Variants in CCDC178 observed in about 807,000 individuals in gnomAD.
CCDC178 encodes coiled-coil domain containing 178.
A neutral mutation model predicts 117.4 loss-of-function variants in CCDC178; 126 were observed. The observed-to-expected ratio is 1.07, with a 90% confidence interval of 0.93 to 1.24. The LOEUF (loss-of-function observed/expected upper bound fraction) is 1.24, where lower values mean the gene tolerates loss of function less well. CCDC178 is among the 50% of genes most tolerant of loss of function. CCDC178 has a pLI of 0.00. For synonymous variants in CCDC178, 283 were observed against 313.4 expected, an observed-to-expected ratio of 0.90 and a Z score of 1.02; for missense variants, 1,030 against 986.9, an observed-to-expected ratio of 1.04 and a Z score of -0.59.
At chr18:33,040,592 A>G (rs1433335698) in intron 21 of CCDC178, among the ~76,000 whole-genome samples, 1 of 152,012 alleles carries the variant, frequency 6.6e-6, no homozygotes, top group Non-Finnish European at 1.5e-5. Context: ...TCCTTTATAG[A>G]TAAAGAAAAT....
intron 12 of CCDC178, among the ~76,000 whole-genome samples, chr18:33,278,256 T>C (rs1453462802): frequency 1.4e-5 from 2 of 147,432 alleles, no homozygotes; most frequent in African/African-American, 5.0e-5. Context: ...TATATCTATA[T>C]ACATACACAT....
At chr18:32,959,595 A>G (rs1156698827) in intron 22 of CCDC178, among the ~76,000 whole-genome samples, 1 of 152,012 alleles carries the variant, frequency 6.6e-6, no homozygotes, top group South Asian at 2.1e-4. Context: ...TTAAAAATGT[A>G]TCCTAATTTT....
rs899157038 is a variant in CCDC178 at position 33,412,049 on chromosome 18, C to G, written c.40G>C (p.Asp14His). Reference protein sequence around the residue: ...NKTVSSSSTRDDQTNIGLTCQ... With the variant: ...NKTVSSSSTRHDQTNIGLTCQ... Reference sequence around the variant, plus strand: ...AACTTACCTATATTGGTTTGATCATCTCTAGTGGAAGAAGAGGAAACTGTC... The same window carrying G: ...AACTTACCTATATTGGTTTGATCATGTCTAGTGGAAGAAGAGGAAACTGTC... The change falls in exon 3 of 23, where the codon GAT becomes CAT. Residue 14 changes from aspartate to histidine, a missense_variant. Coordinates refer to ENST00000383096, the MANE Select transcript of CCDC178 (RefSeq NM_001105528.4). 9 of 1,503,004 alleles carry G rather than the reference C, an allele frequency of 6.0e-6. No homozygotes were observed. The highest frequency in any genetic ancestry group is 1.4e-5 in the African/African-American group (1 of 72,160). The allele number at this position is 1,503,004 out of a possible 1,614,324, so 93.1% of individuals were successfully genotyped here.
chr18:32,940,004 ATTCTCT>A (rs2054202086), intron 22 of CCDC178, among the ~76,000 whole-genome samples: 1 of 152,172 alleles, frequency 6.6e-6, no homozygotes, highest in Non-Finnish European at 1.5e-5. Context: ...GCCAGTTTAC[ATTCTCT>A]TAATCTTAAA....
chr18:32,991,402 C>T (rs8092850), intron 21 of CCDC178, among the ~76,000 whole-genome samples: 5 of 152,098 alleles, frequency 3.3e-5, no homozygotes, highest in South Asian at 2.1e-4. Context: ...TGGACTTCAC[C>T]AGTAAGGATT....
At chr18:33,260,300 CTATGT>C (rs932419521) in intron 14 of CCDC178, among the ~76,000 whole-genome samples, 1 of 152,062 alleles carries the variant, frequency 6.6e-6, no homozygotes, top group African/African-American at 2.4e-5. Context: ...CTTTGTATGA[CTATGT>C]TATATCTTAC....
intron 4 of CCDC178, among the ~76,000 whole-genome samples, chr18:33,393,930 A>G (rs1351344555): frequency 6.6e-6 from 1 of 152,024 alleles, no homozygotes; most frequent in East Asian, 1.9e-4. Flanking sequence ...TTTCATTCTC[A>G]GGACAGAGAG....
intron 21 of CCDC178, among the ~76,000 whole-genome samples, chr18:33,019,534 A>G (rs2056067584): frequency 6.6e-6 from 1 of 152,158 alleles, no homozygotes; most frequent in South Asian, 2.1e-4. Context: ...CTTCTTCTTC[A>G]CTCTTGCATA....
At chr18:33,228,324 G>T (rs1427420853) in intron 15 of CCDC178, among the ~76,000 whole-genome samples, 2 of 151,920 alleles carry the variant, frequency 1.3e-5, no homozygotes, top group Non-Finnish European at 2.9e-5. Flanking sequence ...AAGTTTTTTT[G>T]TTTGTTTTTT....
chr18:33,149,049 T>C (rs2058309858), intron 20 of CCDC178, among the ~76,000 whole-genome samples: 1 of 152,234 alleles, frequency 6.6e-6, no homozygotes, highest in Non-Finnish European at 1.5e-5. Context: ...TTTGCCATCC[T>C]TATGGTTCCT....
intron 21 of CCDC178, among the ~76,000 whole-genome samples, chr18:33,064,086 G>A (rs2056973430): frequency 6.6e-6 from 1 of 152,178 alleles, no homozygotes; most frequent in Non-Finnish European, 1.5e-5. Flanking sequence ...TACACTAAAT[G>A]TGCAGATATT....
intron 20 of CCDC178, among the ~76,000 whole-genome samples, chr18:33,157,667 A>T (rs556382410): frequency 6.6e-6 from 1 of 152,242 alleles, no homozygotes; most frequent in South Asian, 2.1e-4. Context: ...CCAGTATAAC[A>T]TTCCTATTCT....
chr18:33,261,182 C>A (rs754051012), intron 14 of CCDC178, among the ~76,000 whole-genome samples: 3 of 152,144 alleles, frequency 2.0e-5, no homozygotes, highest in Non-Finnish European at 2.9e-5. Context: ...CTCCTGGGTT[C>A]ACGCCATTCT....
At chr18:33,250,706 A>G (rs2059610619) in intron 14 of CCDC178, among the ~76,000 whole-genome samples, 1 of 151,710 alleles carries the variant, frequency 6.6e-6, no homozygotes, top group East Asian at 1.9e-4. Context: ...ACATCATAGG[A>G]CAGGAAATAG....
intron 21 of CCDC178, among the ~76,000 whole-genome samples, chr18:33,071,354 T>C (rs1228152426): frequency 1.3e-5 from 2 of 152,134 alleles, no homozygotes; most frequent in Non-Finnish European, 2.9e-5. Context: ...TATAAAGGTA[T>C]TTTTTAAATG....
intron 20 of CCDC178, among the ~76,000 whole-genome samples, chr18:33,197,810 G>A (rs2058949144): frequency 1.3e-5 from 2 of 151,700 alleles, no homozygotes; most frequent in Non-Finnish European, 2.9e-5. Context: ...TTTTTGCTTT[G>A]TACATTCATT....
At chr18:33,220,331 C>A (rs1436101385) in intron 18 of CCDC178, among the ~76,000 whole-genome samples, 1 of 151,996 alleles carries the variant, frequency 6.6e-6, no homozygotes, top group African/African-American at 2.4e-5. Context: ...AATGTTATAT[C>A]CATTTTACAA....
At chr18:33,194,783 G>T (rs554625756) in intron 20 of CCDC178, among the ~76,000 whole-genome samples, 1 of 151,650 alleles carries the variant, frequency 6.6e-6, no homozygotes, top group African/African-American at 2.4e-5. Context: ...ACAATTTCAG[G>T]CTTGGCATGG....
rs551702644 is a variant in CCDC178, at chr18:33,308,361, G to A, written c.1023-15049C>T. On this transcript the variant is annotated intron_variant, in intron 11 of 22. Transcript: ENST00000383096. The stretch of plus-strand genomic sequence containing the variant: ...TGGGGCCTGTAGCCCCCTTTTTTTG[G>A]CCAATTACTCCCATTTGGAATGAGT... Among the ~76,000 whole-genome samples the A allele has an allele frequency of 2.6e-5, 4 of 152,052 alleles. No individual in the cohort carries two copies. The South Asian group carries it at 8.3e-4, about 32-fold the overall frequency.
Sources: gnomAD v4.1 joint callset for allele counts (sites outside exome capture counted in the v4.1 genomes callset) on GRCh38, gnomAD v4.1.1 for gene constraint, MANE v1.5 for transcripts, NCBI Gene and HGNC (gene_info 2026-07-23, HGNC 2026-07-21) for gene names.